Variants in UNC5D observed in about 807,000 individuals in gnomAD.
UNC5D encodes unc-5 netrin receptor D.
In UNC5D, 39 loss-of-function variants were observed where a neutral mutation model predicts 105.4. The observed-to-expected ratio is 0.37, with a 90% confidence interval of 0.29 to 0.48. The LOEUF is 0.48. UNC5D is among the 20% of genes least tolerant of loss of function. UNC5D has a pLI of 0.98. For synonymous variants in UNC5D, 452 were observed against 450.4 expected (o/e 1.00, Z -0.04); for missense variants, 991 against 1,202.4 (o/e 0.82, Z 2.60).
At chr8:35,543,570 T>A (rs1394469443) in intron 1 of UNC5D, among the ~76,000 whole-genome samples, 1 of 152,242 alleles carries the variant, frequency 6.6e-6, no homozygotes, top group East Asian at 1.9e-4. Context: ...GAATTTTAGT[T>A]GTTAAATATT....
chr8:35,384,072 C>G (rs962047968), intron 1 of UNC5D, among the ~76,000 whole-genome samples: 6 of 151,842 alleles, frequency 4.0e-5, no homozygotes, highest in Non-Finnish European at 8.8e-5. Context: ...AAAAATTAGC[C>G]AGGCATGGTG....
chr8:35,565,838 A>G (rs923929644), intron 2 of UNC5D, among the ~76,000 whole-genome samples: 1 of 152,168 alleles, frequency 6.6e-6, no homozygotes, highest in African/African-American at 2.4e-5. Context: ...TTTCCCCAGT[A>G]TATGTTTTTG....
chr8:35,795,471 G>A lies in UNC5D; in HGVS notation c.*4908G>A, dbSNP rs962167320. The A allele has an allele frequency of 5.6e-4, 85 of 152,254 alleles. No individual in the cohort carries two copies. The highest frequency in any genetic ancestry group is 1.9e-3 in the African/African-American group (81 of 41,558). 9.4% of individuals were successfully genotyped at this position (152,254 alleles called of 1,614,324 possible). A position where few individuals can be genotyped will look rare whatever the true frequency, so the allele number is the denominator to read the frequency against. ...ACTATGGTTCTGGTGAATCATAGAA[G>A]GGAGAGACAATATTTGAGGGGAGTT... On this transcript the variant is annotated 3_prime_UTR_variant, in exon 17 of 17. Transcript: ENST00000404895.
intron 1 of UNC5D, among the ~76,000 whole-genome samples, chr8:35,524,928 G>A (rs1456006060): frequency 6.9e-6 from 1 of 144,476 alleles, no homozygotes; most frequent in Non-Finnish European, 1.5e-5. Context: ...TGTTCCAGAA[G>A]AGGGCTGTGA....
At chr8:35,754,270 A>G (rs1307062596) in intron 13 of UNC5D, among the ~76,000 whole-genome samples, 1 of 152,198 alleles carries the variant, frequency 6.6e-6, no homozygotes, top group Non-Finnish European at 1.5e-5. Context: ...TTTTTCATGG[A>G]GCATTTCTGC....
rs549750340 is a variant in UNC5D, at chr8:35,249,980, G to T, written c.103+14093G>T. Among the ~76,000 whole-genome samples, 80 of 152,002 alleles carry T rather than the reference G, an allele frequency of 5.3e-4. No homozygotes were observed. In the South Asian group the frequency reaches 6.2e-3, roughly 12 times the overall value. On this transcript the variant is annotated intron_variant, in intron 1 of 16. Coordinates refer to ENST00000404895, the MANE Select transcript of UNC5D (RefSeq NM_080872.4). ...AACATCTGTAGTATTTTCACCTAGG[G>T]TTAGGTGAGAACATCATAGGTGCTT...
At chr8:35,707,644 C>G (rs1361476239) in intron 8 of UNC5D, among the ~76,000 whole-genome samples, 1 of 152,130 alleles carries the variant, frequency 6.6e-6, no homozygotes, top group African/African-American at 2.4e-5. Context: ...CAAAAAAGAT[C>G]ATAGGTATCC....
intron 1 of UNC5D, among the ~76,000 whole-genome samples, chr8:35,456,927 T>G (rs1371574775): frequency 6.6e-6 from 1 of 152,206 alleles, no homozygotes; most frequent in Non-Finnish European, 1.5e-5. Context: ...CCCTTTTAAC[T>G]TAGCAGCTGT....
intron 1 of UNC5D, chr8:35,544,248 AC>A (rs1473441817): frequency 2.2e-6 from 2 of 912,928 alleles, no homozygotes; most frequent in Non-Finnish European, 3.1e-6. Flanking sequence ...TCCTTAGCCT[AC>A]CAAGGCTCTT....
At chr8:35,261,633 G>A (rs1804503800) in intron 1 of UNC5D, among the ~76,000 whole-genome samples, 1 of 151,828 alleles carries the variant, frequency 6.6e-6, no homozygotes, top group Non-Finnish European at 1.5e-5. Flanking sequence ...TGTGTGTGTA[G>A]GGGGGTGGGG....
intron 1 of UNC5D, among the ~76,000 whole-genome samples, chr8:35,474,671 A>T (rs1419904932): frequency 6.6e-6 from 1 of 152,116 alleles, no homozygotes. Context: ...GCCTGGCGGG[A>T]TTGGGGATCC....
chr8:35,534,144 C>T (rs1049469324), intron 1 of UNC5D, among the ~76,000 whole-genome samples: 1 of 152,108 alleles, frequency 6.6e-6, no homozygotes, highest in South Asian at 2.1e-4. Flanking sequence ...ATTTGTAGGT[C>T]TCAGTTTTCT....
At chr8:35,588,184 A>C (rs1383814481) in intron 3 of UNC5D, among the ~76,000 whole-genome samples, 7 of 151,666 alleles carry the variant, frequency 4.6e-5, no homozygotes, top group Admixed American at 6.6e-5. Flanking sequence ...AGAGGGTGGA[A>C]ATCTATTTAT....
intron 16 of UNC5D, among the ~76,000 whole-genome samples, chr8:35,784,474 C>G (rs767621722): frequency 6.6e-6 from 1 of 152,094 alleles, no homozygotes; most frequent in Non-Finnish European, 1.5e-5. Context: ...TTAGGCCAGG[C>G]ACGACAGCTG....
intron 1 of UNC5D, among the ~76,000 whole-genome samples, chr8:35,426,802 G>A (rs1397316044): frequency 6.6e-6 from 1 of 152,160 alleles, no homozygotes; most frequent in Non-Finnish European, 1.5e-5. Flanking sequence ...CTAGACCTCT[G>A]AGATGCATTC....
intron 3 of UNC5D, among the ~76,000 whole-genome samples, chr8:35,586,323 A>T (rs1818789191): frequency 6.6e-6 from 1 of 152,206 alleles, no homozygotes; most frequent in Admixed American, 6.5e-5. Context: ...AGAGGGTTTA[A>T]GCCACGCTTG....
intron 1 of UNC5D, among the ~76,000 whole-genome samples, chr8:35,240,964 G>C (rs747660421): frequency 6.6e-6 from 1 of 151,926 alleles, no homozygotes; most frequent in East Asian, 1.9e-4. Flanking sequence ...TTTGAATTTC[G>C]GCAGAAAATA....
At chr8:35,480,584 CT>C (rs1252212957) in intron 1 of UNC5D, among the ~76,000 whole-genome samples, 2 of 152,108 alleles carry the variant, frequency 1.3e-5, no homozygotes, top group African/African-American at 2.4e-5. Flanking sequence ...TATTGAACAA[CT>C]TTTTTTAATT....
chr8:35,474,339 T>C (rs964265973), intron 1 of UNC5D, among the ~76,000 whole-genome samples: 1 of 152,198 alleles, frequency 6.6e-6, no homozygotes. Flanking sequence ...ACTGTTTTTG[T>C]TTTTAATGAT....
Sources: allele counts gnomAD v4.1 joint callset (sites outside exome capture counted in the v4.1 genomes callset), GRCh38; gene constraint gnomAD v4.1.1; transcripts MANE v1.5; gene names NCBI Gene and HGNC (gene_info 2026-07-23, HGNC 2026-07-21).